RALA: variants seen among roughly 807,000 people sequenced by gnomAD.
RALA encodes the protein ras-related protein Ral-A.
Under a neutral mutation model 24.0 loss-of-function variants are expected in RALA, and 5 were observed. The observed-to-expected ratio is 0.21, with a 90% confidence interval of 0.11 to 0.44. RALA has a LOEUF of 0.44. Among genes scored for constraint, RALA ranks in the 20% least tolerant of loss-of-function variants. The pLI is 0.99. For missense variants in RALA, 95 were observed against 241.2 expected (o/e 0.39, Z 4.01); for synonymous variants, 77 against 83.8 (o/e 0.92, Z 0.44).
chr7:39,681,819 A>G (rs1197063616), intron 1 of RALA, among the ~76,000 whole-genome samples: 1 of 152,086 alleles, frequency 6.6e-6, no homozygotes, highest in Non-Finnish European at 1.5e-5. Flanking sequence ...TAAAACATTC[A>G]GTTTTTCTTG....
At chr7:39,697,478 C>T (rs907110889) in intron 4 of RALA, 6 of 456,480 alleles carry the variant, frequency 1.3e-5, no homozygotes, top group Non-Finnish European at 2.6e-5. Flanking sequence ...TAGACCAGCT[C>T]CAGTATCTAG....
At chr7:39,652,641 C>T (rs1013381800) in intron 1 of RALA, among the ~76,000 whole-genome samples, 3 of 152,166 alleles carry the variant, frequency 2.0e-5, no homozygotes, top group South Asian at 2.1e-4. Context: ...CTTCATAATA[C>T]CTGTATAAGG....
intron 1 of RALA, among the ~76,000 whole-genome samples, chr7:39,652,776 A>G (rs1051113620): frequency 6.6e-6 from 1 of 151,942 alleles, no homozygotes; most frequent in Non-Finnish European, 1.5e-5. Context: ...TAATTTTATT[A>G]TTATTATTAT....
intron 1 of RALA, among the ~76,000 whole-genome samples, chr7:39,649,090 T>A (rs1176479709): frequency 6.6e-6 from 1 of 152,136 alleles, no homozygotes; most frequent in African/African-American, 2.4e-5. Flanking sequence ...TCCAGGAGTT[T>A]CAGTGTGAGC....
intron 1 of RALA, among the ~76,000 whole-genome samples, chr7:39,660,498 C>G (rs919270950): frequency 1.3e-5 from 2 of 152,072 alleles, no homozygotes; most frequent in Admixed American, 1.3e-4. Context: ...TTTTCTGTCT[C>G]TCTTTTTTTA....
intron 1 of RALA, among the ~76,000 whole-genome samples, chr7:39,642,112 C>T (rs1414981209): frequency 2.6e-5 from 4 of 152,144 alleles, no homozygotes; most frequent in Admixed American, 6.5e-5. Flanking sequence ...TCAGTTGGGA[C>T]AACCGCTGTA....
At chr7:39,641,537 C>G (rs1791817576) in intron 1 of RALA, among the ~76,000 whole-genome samples, 1 of 152,156 alleles carries the variant, frequency 6.6e-6, no homozygotes, top group South Asian at 2.1e-4. Context: ...CTTGGAGTTC[C>G]TATATTCCTA....
chr7:39,648,778 G>T (rs939023948), intron 1 of RALA, among the ~76,000 whole-genome samples: 2 of 152,094 alleles, frequency 1.3e-5, no homozygotes, highest in Admixed American at 6.6e-5. Flanking sequence ...GACTCCAAGG[G>T]GCCAGGTGCA....
At chr7:39,634,202 T>C (rs555336120) in intron 1 of RALA, among the ~76,000 whole-genome samples, 1 of 152,304 alleles carries the variant, frequency 6.6e-6, no homozygotes, top group South Asian at 2.1e-4. Context: ...TAATGATCTC[T>C]TCTTGTCCCT....
In RALA at chr7:39,686,143, C is replaced by T. The variant is rs545914589; in HGVS notation, c.-37-488C>T. Reference sequence around the variant, plus strand: ...ATCGCTTGAACCTGGGAGGTGGAGGCTACAGTAAGCCGAGATCACGCCACT... The same window carrying T: ...ATCGCTTGAACCTGGGAGGTGGAGGTTACAGTAAGCCGAGATCACGCCACT... On this transcript the variant is annotated intron_variant, in intron 1 of 4. Transcript: ENST00000005257. 1.0e-4 allele frequency among the ~76,000 whole-genome samples: 15 copies of T among 147,306 alleles called. No homozygotes were observed. The East Asian group carries it at 1.8e-3, about 17-fold the overall frequency.
rs1793140037 is a variant in RALA at position 39,707,501 on chromosome 7, C to T, written c.*1256C>T. 1 of 152,126 alleles carries T rather than the reference C, an allele frequency of 6.6e-6. No homozygotes were observed. The highest frequency in any genetic ancestry group is 1.5e-5 in the Non-Finnish European group (1 of 68,030). The allele number at this position is 152,126 out of a possible 1,614,324, so 9.4% of individuals were successfully genotyped here. On this transcript the variant is annotated 3_prime_UTR_variant, in exon 5 of 5. Transcript: ENST00000005257. ...TGCAGAAAACGTGGCACACACTGAC[C>T]ACACATTAGGCTGTGTCACCATTGT... is the stretch of plus-strand genomic sequence containing the variant.
chr7:39,626,403 CTGAG>C (rs1791486824), intron 1 of RALA, among the ~76,000 whole-genome samples: 1 of 151,518 alleles, frequency 6.6e-6, no homozygotes, highest in African/African-American at 2.4e-5. Context: ...GCTGAGAGCA[CTGAG>C]TATTATTGCA....
chr7:39,698,693 G>A (rs1423716808), intron 4 of RALA, among the ~76,000 whole-genome samples: 2 of 152,164 alleles, frequency 1.3e-5, no homozygotes, highest in African/African-American at 4.8e-5. Context: ...GGGGAGTGGG[G>A]AAGAGATGCA....
intron 1 of RALA, among the ~76,000 whole-genome samples, chr7:39,628,613 T>C (rs565056174): frequency 6.6e-5 from 10 of 152,344 alleles, no homozygotes; most frequent in African/African-American, 1.9e-4. Context: ...TGGAGTGCAG[T>C]GGCGCGATTT....
intron 1 of RALA, among the ~76,000 whole-genome samples, chr7:39,634,144 C>T (rs1791646664): frequency 6.6e-6 from 1 of 152,090 alleles, no homozygotes; most frequent in Non-Finnish European, 1.5e-5. Context: ...CAGTCCATGG[C>T]CTGTTGTCCA....
At chr7:39,657,523 G>A (rs1792118350) in intron 1 of RALA, among the ~76,000 whole-genome samples, 1 of 152,036 alleles carries the variant, frequency 6.6e-6, no homozygotes. Flanking sequence ...ATTGGAGACG[G>A]TCCCAGGAAA....
chr7:39,657,722 G>A (rs1033455616), intron 1 of RALA, among the ~76,000 whole-genome samples: 3 of 151,682 alleles, frequency 2.0e-5, no homozygotes, highest in East Asian at 3.9e-4. Context: ...CGGAGTTAAA[G>A]ATCAGCCTGG....
At chr7:39,656,190 G>T (rs762200701) in intron 1 of RALA, among the ~76,000 whole-genome samples, 6 of 152,140 alleles carry the variant, frequency 3.9e-5, no homozygotes, top group Non-Finnish European at 8.8e-5. Flanking sequence ...ACTGTAACTA[G>T]CAATTCAAAA....
Position 39,641,297 on chromosome 7 carries a change from T to C in RALA, c.-38+17472T>C, listed in dbSNP as rs73381141. Among the ~76,000 whole-genome samples the C allele has an allele frequency of 1.7e-3, 260 of 152,346 alleles. 3 individuals are homozygous for C. Among genetic ancestry groups the C allele is most frequent in the African/African-American group, 6.1e-3 (252 of 41,572 alleles). ...AACTCATATTTATTTTCTGATTAAT[T>C]TTAACATTAAATCAGACTTTACTAA... is the stretch of plus-strand genomic sequence containing the variant. On this transcript the variant is annotated intron_variant, in intron 1 of 4. Coordinates refer to ENST00000005257, the MANE Select transcript of RALA (RefSeq NM_005402.4).
Sources: allele counts gnomAD v4.1 joint callset (sites outside exome capture counted in the v4.1 genomes callset), GRCh38; gene constraint gnomAD v4.1.1; transcripts MANE v1.5; gene names NCBI Gene and HGNC (gene_info 2026-07-23, HGNC 2026-07-21).